Variants in AKT3 observed in about 807,000 individuals in gnomAD.
AKT3 encodes RAC-gamma serine/threonine-protein kinase.
In AKT3, 15 loss-of-function variants were observed where a neutral mutation model predicts 65.3. The observed-to-expected ratio is 0.23, with a 90% confidence interval of 0.15 to 0.35. The LOEUF is 0.35. Ranked by LOEUF, AKT3 falls within the 10% of genes least tolerant of loss-of-function variation. The pLI is 1.00. For synonymous variants in AKT3, 206 were observed against 183.8 expected, an observed-to-expected ratio of 1.12 and a Z score of -0.98; for missense variants, 243 against 576.5, an observed-to-expected ratio of 0.42 and a Z score of 5.92.
At chr1:243,813,547 G>A (rs1693320490) in intron 2 of AKT3, among the ~76,000 whole-genome samples, 1 of 151,592 alleles carries the variant, frequency 6.6e-6, no homozygotes, top group African/African-American at 2.4e-5. Context: ...GTCATAGAAA[G>A]CAATATAACG....
chr1:243,675,602 C>A (rs1683456344), intron 3 of AKT3, among the ~76,000 whole-genome samples: 1 of 152,256 alleles, frequency 6.6e-6, no homozygotes, highest in Admixed American at 6.5e-5. Flanking sequence ...TCAAAATAAT[C>A]TACAAGGCTG....
intron 9 of AKT3, among the ~76,000 whole-genome samples, chr1:243,564,820 CA>C (rs879770737): frequency 1.3e-5 from 2 of 152,048 alleles, no homozygotes; most frequent in Non-Finnish European, 2.9e-5. Context: ...AGTATATTAA[CA>C]GGATAAATGA....
chr1:243,692,845 T>C (rs1684786477), intron 3 of AKT3, among the ~76,000 whole-genome samples: 1 of 152,104 alleles, frequency 6.6e-6, no homozygotes, highest in South Asian at 2.1e-4. Flanking sequence ...TAATCTTCCT[T>C]TTGTTATAGG....
chr1:243,622,093 C>A (rs2148622397), intron 6 of AKT3, among the ~76,000 whole-genome samples: 1 of 152,284 alleles, frequency 6.6e-6, no homozygotes, highest in African/African-American at 2.4e-5. Context: ...ACAGTAAAAG[C>A]CAATATCCTT....
chr1:243,590,558 G>A (rs1676152716), intron 8 of AKT3, among the ~76,000 whole-genome samples: 1 of 152,020 alleles, frequency 6.6e-6, no homozygotes, highest in Admixed American at 6.5e-5. Context: ...GGAATTAATA[G>A]ATACTGACTT....
intron 2 of AKT3, among the ~76,000 whole-genome samples, chr1:243,756,487 T>C (rs1203402840): frequency 6.6e-6 from 1 of 152,142 alleles, no homozygotes; most frequent in African/African-American, 2.4e-5. Flanking sequence ...TCTGAGACAA[T>C]CTGGATATCA....
At chr1:243,774,240 T>C (rs902242296) in intron 2 of AKT3, among the ~76,000 whole-genome samples, 1 of 152,238 alleles carries the variant, frequency 6.6e-6, no homozygotes, top group African/African-American at 2.4e-5. Flanking sequence ...ACACCTGCCA[T>C]AGTTCTACAT....
intron 8 of AKT3, among the ~76,000 whole-genome samples, chr1:243,588,144 G>A (rs997960447): frequency 4.6e-5 from 7 of 152,194 alleles, no homozygotes; most frequent in Admixed American, 2.6e-4. Context: ...TGAGGATGAT[G>A]AGGTAGATGG....
At chr1:243,704,255 CAA>C (rs1685651309) in intron 2 of AKT3, among the ~76,000 whole-genome samples, 1 of 152,132 alleles carries the variant, frequency 6.6e-6, no homozygotes, top group East Asian at 1.9e-4. Context: ...GTTATTCAAT[CAA>C]AAATACTCGG....
chr1:243,658,899 G>A lies in AKT3; in HGVS notation c.284+5873C>T, dbSNP rs569570000. ...AAAAAAAAAAAATTAACTTAGTTGC[G>A]TGTGTGGCTGTAGTCCCAGCTACTG... On this transcript the variant is annotated intron_variant, in intron 4 of 13. Transcript: ENST00000673466. 9.3e-5 allele frequency among the ~76,000 whole-genome samples: 14 copies of A among 150,082 alleles called. 1 individual carries two copies. The highest frequency in any genetic ancestry group is 2.7e-4 in the Admixed American group (4 of 14,976).
intron 12 of AKT3, among the ~76,000 whole-genome samples, chr1:243,532,289 G>T (rs1671593270): frequency 6.6e-6 from 1 of 152,072 alleles, no homozygotes; most frequent in Non-Finnish European, 1.5e-5. Flanking sequence ...GTCTTTCCAA[G>T]AATTTTTCAT....
intron 4 of AKT3, among the ~76,000 whole-genome samples, chr1:243,649,866 A>G (rs1572100081): frequency 6.6e-6 from 1 of 152,204 alleles, no homozygotes; most frequent in Non-Finnish European, 1.5e-5. Flanking sequence ...TAGTGCCGCA[A>G]TAAACATACG....
At chr1:243,531,684 G>C (rs115171732) in intron 12 of AKT3, among the ~76,000 whole-genome samples, 2,810 of 152,172 alleles carry the variant, frequency 0.018, 34 homozygotes, top group Non-Finnish European at 0.029. Flanking sequence ...AGAAAAAACT[G>C]CACTGAATCT....
intron 8 of AKT3, among the ~76,000 whole-genome samples, chr1:243,607,938 A>G (rs1677552629): frequency 1.3e-5 from 2 of 152,170 alleles, no homozygotes; most frequent in African/African-American, 4.8e-5. Flanking sequence ...CCATGTGAAG[A>G]AGGACATGTT....
At chr1:243,761,570 C>G (rs1205066624) in intron 2 of AKT3, among the ~76,000 whole-genome samples, 1 of 152,038 alleles carries the variant, frequency 6.6e-6, no homozygotes, top group Non-Finnish European at 1.5e-5. Context: ...AATTTTGACA[C>G]ATGGTACAAA....
At chr1:243,717,349 A>G (rs976145777) in intron 2 of AKT3, among the ~76,000 whole-genome samples, 6 of 152,156 alleles carry the variant, frequency 3.9e-5, no homozygotes, top group African/African-American at 1.4e-4. Flanking sequence ...ATTTTCAAGG[A>G]CTAGGTAGTA....
chr1:243,686,653 T>TATATATATATATATATATATA (rs1684343018), intron 3 of AKT3, among the ~76,000 whole-genome samples: 9 of 11,568 alleles, frequency 7.8e-4, no homozygotes, highest in Non-Finnish European at 1.3e-3. Context: ...ATATATATAT[T>TATATATATATATATATATATA]TTTTTTTTTT....
chr1:243,588,251 A>ACTATGAGGACAAG (rs1675945539), intron 8 of AKT3, among the ~76,000 whole-genome samples: 3 of 152,148 alleles, frequency 2.0e-5, no homozygotes, highest in Non-Finnish European at 4.4e-5. Context: ...GTAGGGTTTA[A>ACTATGAGGACAAG]CTTTATGAGG....
At position 243,501,739 on chromosome 1, in the gene AKT3, A is replaced by T. The variant is rs896073432; in HGVS notation, c.*3510T>A. The T allele has an allele frequency of 4.3e-6, 1 of 232,914 alleles. No homozygotes were observed. The highest frequency in any genetic ancestry group is 2.2e-5 in the African/African-American group (1 of 45,344). 14.4% of individuals were successfully genotyped at this position (232,914 alleles called of 1,614,324 possible). On this transcript the variant is annotated 3_prime_UTR_variant, in exon 14 of 14. Coordinates refer to ENST00000673466, the MANE Select transcript of AKT3 (RefSeq NM_005465.7). Reference sequence around the variant, plus strand: ...TAATTTGGGGGGATTATAGAACCACATCCAACAACAATAAACAGAGAAGTA... The same window carrying T: ...TAATTTGGGGGGATTATAGAACCACTTCCAACAACAATAAACAGAGAAGTA...
Sources: gnomAD v4.1 joint callset for allele counts (sites outside exome capture counted in the v4.1 genomes callset) on GRCh38, gnomAD v4.1.1 for gene constraint, MANE v1.5 for transcripts, NCBI Gene and HGNC (gene_info 2026-07-23, HGNC 2026-07-21) for gene names.